SYTL3: variants seen among roughly 807,000 people sequenced by gnomAD.
SYTL3 encodes synaptotagmin like 3.
A neutral mutation model predicts 82.1 loss-of-function variants in SYTL3; 88 were observed. That is an observed-to-expected ratio of 1.07 (90% CI 0.90 to 1.28). SYTL3 has a LOEUF of 1.28. SYTL3 is among the 50% of genes most tolerant of loss of function. The pLI, the probability that SYTL3 is intolerant of heterozygous loss-of-function variation, is 0.00. For missense variants in SYTL3, 831 were observed against 757.6 expected (o/e 1.10, Z -1.14); for synonymous variants, 311 against 289.4 (o/e 1.07, Z -0.76).
At chr6:158,679,167 C>G (rs748489988) in intron 5 of SYTL3, among the ~76,000 whole-genome samples, 1 of 152,102 alleles carries the variant, frequency 6.6e-6, no homozygotes, top group Non-Finnish European at 1.5e-5. Context: ...GCCAGGAGTT[C>G]AAGACCAGCC....
chr6:158,666,301 C>G (rs6913912), intron 5 of SYTL3, among the ~76,000 whole-genome samples: 36,895 of 152,050 alleles, frequency 0.24, 5,530 homozygotes, highest in African/African-American at 0.43. Context: ...TAATACTCAG[C>G]TAAAGAAATG....
At chr6:158,698,413 A>AG (rs36054252) in intron 6 of SYTL3, among the ~76,000 whole-genome samples, 3 of 149,812 alleles carry the variant, frequency 2.0e-5, no homozygotes, top group African/African-American at 4.9e-5. Context: ...AAAAAAAAAA[A>AG]GGCTCTGGAC....
At chr6:158,735,338 A>G (rs572649726) in intron 11 of SYTL3, among the ~76,000 whole-genome samples, 1 of 152,282 alleles carries the variant, frequency 6.6e-6, no homozygotes, top group South Asian at 2.1e-4. Context: ...ACACACATGG[A>G]TGATGTTAAT....
At chr6:158,713,999 G>T in intron 9 of SYTL3, 121 bp downstream of exon 9, 1 of 722,172 alleles carries the variant, frequency 1.4e-6, no homozygotes, top group Non-Finnish European at 2.4e-6. Flanking sequence ...TTTGTCTCTG[G>T]ACCCTGGGGA....
chr6:158,684,087 G>T (rs900550921), intron 6 of SYTL3, among the ~76,000 whole-genome samples: 1 of 152,172 alleles, frequency 6.6e-6, no homozygotes, highest in Non-Finnish European at 1.5e-5. Flanking sequence ...ATTCTCGTGG[G>T]TTTACGGAAA....
chr6:158,721,073 T>C (rs1257961857), intron 10 of SYTL3, among the ~76,000 whole-genome samples: 1 of 152,016 alleles, frequency 6.6e-6, no homozygotes, highest in Non-Finnish European at 1.5e-5. Flanking sequence ...GGGGAGACGG[T>C]GGGGAGACAG....
At chr6:158,755,130 C>T (rs1413488199) in intron 13 of SYTL3, among the ~76,000 whole-genome samples, 1 of 152,078 alleles carries the variant, frequency 6.6e-6, no homozygotes, top group Non-Finnish European at 1.5e-5. Flanking sequence ...AGGGCTTGAG[C>T]CCAGGAGTTC....
chr6:158,696,975 A>G (rs1583272563), intron 6 of SYTL3, among the ~76,000 whole-genome samples: 1 of 152,122 alleles, frequency 6.6e-6, no homozygotes, highest in South Asian at 2.1e-4. Flanking sequence ...ATCCACATAC[A>G]AAAGAAAAAA....
chr6:158,739,493 G>T (rs7764917), intron 11 of SYTL3, among the ~76,000 whole-genome samples: 1 of 151,826 alleles, frequency 6.6e-6, no homozygotes, highest in Non-Finnish European at 1.5e-5. Flanking sequence ...TTCAAATATA[G>T]CTTCTGCCCG....
At chr6:158,728,756 A>C (rs971305036) in intron 11 of SYTL3, among the ~76,000 whole-genome samples, 2 of 151,594 alleles carry the variant, frequency 1.3e-5, no homozygotes, top group African/African-American at 4.9e-5. Flanking sequence ...CTGGCTAACA[A>C]GGTGAAACCC....
upstream of SYTL3, among the ~76,000 whole-genome samples, chr6:158,646,398 G>A (rs150938342): frequency 2.6e-5 from 4 of 152,226 alleles, no homozygotes; most frequent in Non-Finnish European, 4.4e-5. Context: ...TCAAACTCCC[G>A]GGCTTAAGGG....
At chr6:158,746,355 C>T (rs1443844847) in intron 12 of SYTL3, among the ~76,000 whole-genome samples, 1 of 151,086 alleles carries the variant, frequency 6.6e-6, no homozygotes, top group African/African-American at 2.4e-5. Context: ...GCAGGAAATA[C>T]AAAATTAAAA....
intron 9 of SYTL3, among the ~76,000 whole-genome samples, 172 bp from the exon 10 acceptor site, chr6:158,717,915 A>G (rs1783611652): frequency 6.6e-6 from 1 of 152,062 alleles, no homozygotes; most frequent in African/African-American, 2.4e-5. Context: ...TCACCTTCCC[A>G]ACACCTCTGC....
intron 5 of SYTL3, among the ~76,000 whole-genome samples, chr6:158,666,460 T>C (rs317798): frequency 0.68 from 103,793 of 152,048 alleles, 36,047 homozygotes; most frequent in African/African-American, 0.81. Flanking sequence ...CTTAGACTCC[T>C]GCTGTTCAAA....
intron 1 of SYTL3, among the ~76,000 whole-genome samples, chr6:158,650,284 G>C (rs1428902890): frequency 1.3e-5 from 2 of 152,046 alleles, no homozygotes; most frequent in Non-Finnish European, 2.9e-5. Flanking sequence ...AATGATTTAA[G>C]TGATATGGTG....
chr6:158,723,389 T>G (rs1391659836), intron 10 of SYTL3, among the ~76,000 whole-genome samples: 1 of 152,200 alleles, frequency 6.6e-6, no homozygotes, highest in South Asian at 2.1e-4. Flanking sequence ...CAGCTACTTT[T>G]TAAGGCTTTT....
At chr6:158,704,713 G>A (rs538308974) in intron 6 of SYTL3, among the ~76,000 whole-genome samples, 69 of 152,396 alleles carry the variant, frequency 4.5e-4, no homozygotes, top group Admixed American at 2.0e-3. Flanking sequence ...GGGAGTCACT[G>A]AAGGGTTCCA....
Position 158,763,493 on chromosome 6 carries a change from A to G in SYTL3, c.1707A>G (p.Gly569=), listed in dbSNP as rs1484026017. Reference sequence around the variant, plus strand: ...GAATGAACGACCGCTTGCTTGGAGGAACCAGACTTGGTTCAAGTAAGTCTG... The same window carrying G: ...GAATGAACGACCGCTTGCTTGGAGGGACCAGACTTGGTTCAAGTAAGTCTG... ...LFGMNDRLLG[G]TRLGSKGDTA... Residue 569 remains glycine (G), a synonymous_variant, in exon 17 of 18, where the codon GGA becomes GGG. Transcript: ENST00000611299. 1 of 1,614,120 alleles carries G rather than the reference A, an allele frequency of 6.2e-7. No individual in the cohort carries two copies. The highest frequency in any genetic ancestry group is 1.7e-5 in the Admixed American group (1 of 60,014).
intron 11 of SYTL3, among the ~76,000 whole-genome samples, chr6:158,739,994 CTTTT>C (rs35026438): frequency 9.5e-6 from 1 of 105,576 alleles, no homozygotes; most frequent in Non-Finnish European, 1.8e-5. Flanking sequence ...AGGCAACTTA[CTTTT>C]TTTTTTTTTT....
Sources: gnomAD v4.1 joint callset for allele counts (sites outside exome capture counted in the v4.1 genomes callset) on GRCh38, gnomAD v4.1.1 for gene constraint, MANE v1.5 for transcripts, NCBI Gene and HGNC (gene_info 2026-07-23, HGNC 2026-07-21) for gene names.